Variants in DPP10 observed in about 807,000 individuals in gnomAD.
DPP10 encodes dipeptidyl peptidase like 10.
A neutral mutation model predicts 120.9 loss-of-function variants in DPP10; 33 were observed. That is an observed-to-expected ratio of 0.27 (90% CI 0.21 to 0.37). The LOEUF is 0.37. DPP10 is among the 10% of genes least tolerant of loss of function. DPP10 has a pLI of 1.00. For synonymous variants in DPP10, 337 were observed against 326.1 expected (o/e 1.03, Z -0.36); for missense variants, 816 against 942.8 (o/e 0.87, Z 1.76).
intron 1 of DPP10, among the ~76,000 whole-genome samples, chr2:114,457,247 G>A (rs573763556): frequency 7.2e-5 from 11 of 152,280 alleles, no homozygotes; most frequent in African/African-American, 2.6e-4. Context: ...CAACCTCAGT[G>A]CTATTGACAT....
intron 1 of DPP10, among the ~76,000 whole-genome samples, chr2:114,741,782 G>A (rs938021389): frequency 4.6e-5 from 7 of 152,230 alleles, no homozygotes; most frequent in East Asian, 1.9e-4. Context: ...CTGGAGTTAC[G>A]CTGTCACAAG....
intron 1 of DPP10, among the ~76,000 whole-genome samples, chr2:114,573,210 CT>C (rs1689793758): frequency 6.6e-6 from 1 of 152,166 alleles, no homozygotes; most frequent in Admixed American, 6.5e-5. Flanking sequence ...TCTTGAAATC[CT>C]GACCACAAGC....
chr2:115,036,438 T>C (rs1300290701), intron 1 of DPP10, among the ~76,000 whole-genome samples: 2 of 152,198 alleles, frequency 1.3e-5, no homozygotes, highest in South Asian at 4.1e-4. Context: ...GAATTATTCT[T>C]ATGTTATTAT....
intron 1 of DPP10, among the ~76,000 whole-genome samples, chr2:114,467,624 G>A (rs953592362): frequency 6.6e-6 from 1 of 152,140 alleles, no homozygotes; most frequent in Non-Finnish European, 1.5e-5. Context: ...CAGGTGATAA[G>A]GAATCAATGC....
chr2:114,509,085 A>C (rs60176258), intron 1 of DPP10, among the ~76,000 whole-genome samples: 2,304 of 152,176 alleles, frequency 0.015, 57 homozygotes, highest in African/African-American at 0.053. Context: ...CAGAAATAAG[A>C]GACTAGATTT....
At chr2:114,881,645 C>T (rs1691655730) in intron 1 of DPP10, among the ~76,000 whole-genome samples, 1 of 103,794 alleles carries the variant, frequency 9.6e-6, no homozygotes, top group Non-Finnish European at 2.4e-5. Context: ...TCTATCTATG[C>T]TATCTATAAA....
intron 1 of DPP10, among the ~76,000 whole-genome samples, chr2:114,644,364 G>C (rs182808944): frequency 6.6e-6 from 1 of 151,224 alleles, no homozygotes; most frequent in African/African-American, 2.5e-5. Context: ...GTGTGTGTGT[G>C]TCTGTGTGTG....
chr2:115,345,357 A>G (rs2106269009), intron 3 of DPP10, among the ~76,000 whole-genome samples: 3 of 152,300 alleles, frequency 2.0e-5, no homozygotes, highest in Middle Eastern at 6.8e-3. Context: ...GAAGGCTAAT[A>G]AAAAAGATAT....
chr2:115,690,997 T>C (rs1252093380), intron 7 of DPP10, among the ~76,000 whole-genome samples: 7 of 152,222 alleles, frequency 4.6e-5, no homozygotes, highest in Admixed American at 1.3e-4. Context: ...TTTATTAACA[T>C]TTAGTATTTC....
intron 1 of DPP10, among the ~76,000 whole-genome samples, chr2:115,011,272 C>A (rs896255562): frequency 1.3e-5 from 2 of 152,116 alleles, no homozygotes; most frequent in African/African-American, 4.8e-5. Context: ...GTGGGGTGTT[C>A]CAGAAATGTC....
chr2:115,478,583 A>G (rs1574964887), intron 3 of DPP10, among the ~76,000 whole-genome samples: 1 of 152,306 alleles, frequency 6.6e-6, no homozygotes, highest in East Asian at 1.9e-4. Context: ...TTAAGTGTGC[A>G]TCAAAAGACA....
intron 5 of DPP10, among the ~76,000 whole-genome samples, chr2:115,623,999 C>A (rs915993837): frequency 6.6e-6 from 1 of 152,034 alleles, no homozygotes; most frequent in African/African-American, 2.4e-5. Context: ...ACCTTTTAAT[C>A]TTGAAATTTT....
chr2:114,445,586 C>T (rs1677897018), intron 1 of DPP10, among the ~76,000 whole-genome samples: 1 of 143,420 alleles, frequency 7.0e-6, no homozygotes, highest in South Asian at 2.3e-4. Flanking sequence ...GTGTGTTCTC[C>T]TCCACTTGAA....
intron 1 of DPP10, among the ~76,000 whole-genome samples, chr2:114,547,124 C>T (rs960804410): frequency 2.3e-4 from 35 of 152,360 alleles, no homozygotes; most frequent in African/African-American, 8.2e-4. Flanking sequence ...GGCAGTGCCC[C>T]TGTGGTTTAA....
chr2:115,814,908 T>C lies in DPP10; in HGVS notation c.1816T>C (p.Phe606Leu). ...VARFDGRGSG[F>L]QGLKILQEIH... ...AAGATTTGATGGCAGAGGAAGTGGA[T>C]TCCAGGGTCTGAAAATTTTGCAGGA... The change falls in exon 20 of 26, where the codon TTC (phenylalanine) becomes CTC (leucine). Residue 606 changes from phenylalanine to leucine, a missense_variant. Physicochemically the swap from Phe to Leu is conservative, Grantham distance 22 (BLOSUM62 0). Transcript: ENST00000410059. The C allele has an allele frequency of 1.9e-6, 3 of 1,613,102 alleles. No homozygotes were observed. The highest frequency in any genetic ancestry group is 2.5e-6 in the Non-Finnish European group (3 of 1,179,268).
intron 1 of DPP10, among the ~76,000 whole-genome samples, chr2:114,449,217 G>A (rs963848083): frequency 5.3e-5 from 8 of 152,126 alleles, no homozygotes; most frequent in African/African-American, 1.7e-4. Context: ...CATCACATTA[G>A]CCTTTCTCCT....
At chr2:114,497,103 A>G (rs949376262) in intron 1 of DPP10, among the ~76,000 whole-genome samples, 2 of 148,576 alleles carry the variant, frequency 1.3e-5, no homozygotes, top group Non-Finnish European at 3.0e-5. Flanking sequence ...ACATGTGTAC[A>G]TGTACGTATA....
intron 1 of DPP10, among the ~76,000 whole-genome samples, chr2:114,586,966 C>T (rs1691033718): frequency 6.6e-6 from 1 of 152,128 alleles, no homozygotes; most frequent in Non-Finnish European, 1.5e-5. Flanking sequence ...TCTTGTATGG[C>T]CTGCAAAACC....
intron 1 of DPP10, among the ~76,000 whole-genome samples, chr2:114,532,296 T>TACACACAC (rs56653562): frequency 6.4e-4 from 48 of 74,772 alleles, no homozygotes; most frequent in Middle Eastern, 5.7e-3. Flanking sequence ...TATATATATA[T>TACACACAC]ACACACACAC....
Sources: gnomAD v4.1 joint callset for allele counts (sites outside exome capture counted in the v4.1 genomes callset) on GRCh38, gnomAD v4.1.1 for gene constraint, MANE v1.5 for transcripts, NCBI Gene and HGNC (gene_info 2026-07-23, HGNC 2026-07-21) for gene names.